The following MYT1L variants were observed in gnomAD, a reference collection of about 807,000 sequenced individuals.
MYT1L encodes the protein myelin transcription factor 1-like protein.
A neutral mutation model predicts 126.7 loss-of-function variants in MYT1L; 12 were observed. The ratio of observed to expected loss-of-function variants is 0.09; its 90% CI spans 0.06 to 0.15. MYT1L has a LOEUF of 0.15. Among genes scored for constraint, MYT1L ranks in the 10% least tolerant of loss-of-function variants. The probability of loss-of-function intolerance (pLI) is 1.00; values close to 1 mark genes in which losing one functional copy is unlikely to be tolerated. For synonymous variants in MYT1L, 541 were observed against 604.2 expected (o/e 0.90, Z 1.53); for missense variants, 979 against 1,585.2 (o/e 0.62, Z 6.49).
chr2:2,030,617 T>G (rs1341084661), intron 4 of MYT1L, among the ~76,000 whole-genome samples: 1 of 152,250 alleles, frequency 6.6e-6, no homozygotes, highest in Non-Finnish European at 1.5e-5. Flanking sequence ...ACTTTATTTT[T>G]GGTTTTACTA....
intron 4 of MYT1L, among the ~76,000 whole-genome samples, chr2:2,024,086 C>T (rs1046978850): frequency 3.3e-5 from 5 of 152,136 alleles, no homozygotes; most frequent in Admixed American, 6.5e-5. Context: ...TCAAATAATT[C>T]TGAAATTTTT....
At chr2:1,982,750 A>G (rs961397819) in intron 5 of MYT1L, among the ~76,000 whole-genome samples, 3 of 152,172 alleles carry the variant, frequency 2.0e-5, no homozygotes, top group African/African-American at 7.2e-5. Flanking sequence ...GAATTCTCAA[A>G]GTTTCCAGCA....
At chr2:2,215,328 G>A (rs1489804053) in intron 2 of MYT1L, among the ~76,000 whole-genome samples, 1 of 151,954 alleles carries the variant, frequency 6.6e-6, no homozygotes, top group African/African-American at 2.4e-5. Context: ...GACAAAAGTA[G>A]GTTAAACATA....
rs1160785425 is a variant in MYT1L, at chr2:1,887,167, T to A, written c.2642+321A>T. The A allele has an allele frequency of 2.1e-5, 8 of 376,132 alleles. No homozygotes were observed. The highest frequency in any genetic ancestry group is 4.5e-5 in the Admixed American group (1 of 22,244). 23.3% of individuals were successfully genotyped at this position (376,132 alleles called of 1,614,324 possible). ...AAACAGCCAAAATAGTAAGTATGTT[T>A]AAAAAAAAAAAAAACTTTTAAAAAA... On this transcript the variant is annotated intron_variant, in intron 17 of 24. Coordinates refer to ENST00000647738, the MANE Select transcript of MYT1L (RefSeq NM_001303052.2). This position sits in a 1 kb window ranked among gnomAD's most constrained non-coding sequence, Gnocchi z 4.8.
At chr2:1,864,501 C>T (rs1233443501) in intron 18 of MYT1L, among the ~76,000 whole-genome samples, 1 of 152,210 alleles carries the variant, frequency 6.6e-6, no homozygotes, top group Non-Finnish European at 1.5e-5. Flanking sequence ...CAACATGGGG[C>T]CCCACAGAAA....
At chr2:2,195,731 A>G (rs1389597689) in intron 2 of MYT1L, among the ~76,000 whole-genome samples, 1 of 152,224 alleles carries the variant, frequency 6.6e-6, no homozygotes, top group East Asian at 1.9e-4. Context: ...TGGAAATTTT[A>G]GAATTAAAAA....
chr2:1,916,554 T>C (rs1036140083), intron 11 of MYT1L, among the ~76,000 whole-genome samples: 4 of 152,224 alleles, frequency 2.6e-5, no homozygotes, highest in African/African-American at 9.6e-5. Context: ...TGTATATCAT[T>C]TCAATTCTAA....
chr2:2,043,866 T>G (rs1159177097), intron 4 of MYT1L, among the ~76,000 whole-genome samples: 1 of 152,192 alleles, frequency 6.6e-6, no homozygotes, highest in African/African-American at 2.4e-5. Context: ...ACAAATAATC[T>G]CTATTAAACA....
At chr2:1,938,959 C>G (rs528233075) in intron 9 of MYT1L, among the ~76,000 whole-genome samples, 1 of 152,298 alleles carries the variant, frequency 6.6e-6, no homozygotes, top group South Asian at 2.1e-4. Context: ...TTATCTGAAA[C>G]AAAACCTCTT....
rs2032016094 is a variant in MYT1L, at chr2:1,791,167, AATAAATT to A, written c.*693_*699del. On this transcript the variant is annotated 3_prime_UTR_variant, in exon 25 of 25. Coordinates refer to ENST00000647738, the MANE Select transcript of MYT1L (RefSeq NM_001303052.2). The surrounding 1 kb of genome is among the most constrained non-coding windows in gnomAD (Gnocchi z 6.0). ...TTTCCATGGCTTGATGTTGTCTTAC[AATAAATT>A]ACTTATTTCATTTCTTACAGTTAAT... The A allele has an allele frequency of 2.2e-6, 1 of 461,996 alleles. No homozygotes were observed. The highest frequency in any genetic ancestry group is 4.4e-6 in the Non-Finnish European group (1 of 225,012). 28.6% of individuals were successfully genotyped at this position (461,996 alleles called of 1,614,324 possible). A position where few individuals can be genotyped will look rare whatever the true frequency, so the allele number is the denominator to read the frequency against.
chr2:1,944,597 G>C (rs1280619885), intron 8 of MYT1L, among the ~76,000 whole-genome samples: 1 of 152,088 alleles, frequency 6.6e-6, no homozygotes, highest in Non-Finnish European at 1.5e-5. Flanking sequence ...CTTTGGATCT[G>C]GGGTAGTGAA....
intron 2 of MYT1L, among the ~76,000 whole-genome samples, chr2:2,183,368 G>C (rs953544767): frequency 1.3e-5 from 2 of 152,106 alleles, no homozygotes; most frequent in African/African-American, 4.8e-5. Flanking sequence ...AAGTTCCCAC[G>C]GGAGGGGAGG....
At chr2:2,330,322 C>A (rs1396666009) in intron 1 of MYT1L, among the ~76,000 whole-genome samples, 2 of 152,078 alleles carry the variant, frequency 1.3e-5, no homozygotes, top group Non-Finnish European at 2.9e-5. Context: ...TTTTATATAG[C>A]TAACTTTCAT....
chr2:1,984,009 G>A (rs569258863), intron 5 of MYT1L, among the ~76,000 whole-genome samples: 40 of 152,224 alleles, frequency 2.6e-4, no homozygotes, highest in African/African-American at 9.6e-4. Context: ...TATACTTAAA[G>A]AAAAGTCTTG....
chr2:2,158,404 G>T (rs1390206654), intron 3 of MYT1L, among the ~76,000 whole-genome samples: 1 of 152,188 alleles, frequency 6.6e-6, no homozygotes, highest in Non-Finnish European at 1.5e-5. Flanking sequence ...GCATGTTCCA[G>T]GCTGTCATTC....
At chr2:1,815,736 C>T (rs183240601) in intron 21 of MYT1L, among the ~76,000 whole-genome samples, 192 of 152,390 alleles carry the variant, frequency 1.3e-3, no homozygotes, top group Admixed American at 3.7e-3. Flanking sequence ...ACCAGACAGT[C>T]GGTCAGGCCA....
At chr2:1,894,253 A>T (rs2049293380) in intron 14 of MYT1L, among the ~76,000 whole-genome samples, 1 of 152,182 alleles carries the variant, frequency 6.6e-6, no homozygotes, top group Admixed American at 6.5e-5. Context: ...TAGGGAGCCC[A>T]GCAGTGCAGG....
At chr2:2,113,297 G>A (rs2147777086) in intron 3 of MYT1L, among the ~76,000 whole-genome samples, 1 of 152,246 alleles carries the variant, frequency 6.6e-6, no homozygotes, top group African/African-American at 2.4e-5. Flanking sequence ...TTCCATGTGG[G>A]GGAAAAACCT....
chr2:2,127,834 G>A (rs182750095), intron 3 of MYT1L, among the ~76,000 whole-genome samples: 1 of 152,238 alleles, frequency 6.6e-6, no homozygotes, highest in Non-Finnish European at 1.5e-5. Context: ...CCTCCTTGCC[G>A]AATAATGTAA....
Sources: allele counts gnomAD v4.1 joint callset (sites outside exome capture counted in the v4.1 genomes callset), GRCh38; gene constraint gnomAD v4.1.1; non-coding constraint Gnocchi (gnomAD v3.1); transcripts MANE v1.5; gene names NCBI Gene and HGNC (gene_info 2026-07-23, HGNC 2026-07-21).